ZCWPW2: variants seen among roughly 807,000 people sequenced by gnomAD.
The protein encoded by ZCWPW2 is zinc finger CW-type and PWWP domain containing 2.
A neutral mutation model predicts 46.6 loss-of-function variants in ZCWPW2; 45 were observed. The observed-to-expected ratio is 0.96, with a 90% CI of 0.76 to 1.24. ZCWPW2 has a LOEUF of 1.24. Ranked by LOEUF, ZCWPW2 falls within the 50% of genes most tolerant of loss-of-function variation. ZCWPW2 has a pLI of 0.00. For missense variants in ZCWPW2, 429 were observed against 403.9 expected (o/e 1.06, Z -0.53); for synonymous variants, 152 against 137.1 (o/e 1.11, Z -0.76).
chr3:28,489,686 A>G (rs2125814790), intron 5 of ZCWPW2, among the ~76,000 whole-genome samples: 1 of 151,510 alleles, frequency 6.6e-6, no homozygotes, highest in East Asian at 1.9e-4. Flanking sequence ...ACACACACAC[A>G]CACACACACA....
At chr3:28,521,850 T>C (rs1319500714) in intron 9 of ZCWPW2, among the ~76,000 whole-genome samples, 2 of 152,186 alleles carry the variant, frequency 1.3e-5, no homozygotes, top group Non-Finnish European at 2.9e-5. Context: ...AAGGCTTTAT[T>C]CATTCATTCA....
chr3:28,399,065 T>A (rs1695819005), intron 2 of ZCWPW2, among the ~76,000 whole-genome samples: 1 of 152,152 alleles, frequency 6.6e-6, no homozygotes, highest in Admixed American at 6.5e-5. Flanking sequence ...ATTTGCCCAC[T>A]GCCTGGAAAC....
At chr3:28,483,784 T>C (rs1278438818) in intron 5 of ZCWPW2, among the ~76,000 whole-genome samples, 1 of 152,190 alleles carries the variant, frequency 6.6e-6, no homozygotes, top group East Asian at 1.9e-4. Context: ...ATTCTACTTG[T>C]TTGGTACTAG....
In ZCWPW2 at chr3:28,514,057, G is replaced by A. The variant is rs1334133419; in HGVS notation, c.658-7G>A. The A allele has an allele frequency of 1.3e-6, 2 of 1,499,462 alleles. No homozygotes were observed. The highest frequency in any genetic ancestry group is 1.8e-6 in the Non-Finnish European group (2 of 1,098,636). 92.9% of individuals were successfully genotyped at this position (1,499,462 alleles called of 1,614,324 possible). Reference sequence around the variant, plus strand: ...AACTAACTCATATTTTTGTTTTTGTGTTATAGAAGCAGACTTCTAAAAATA... The same window carrying A: ...AACTAACTCATATTTTTGTTTTTGTATTATAGAAGCAGACTTCTAAAAATA... On this transcript the variant is annotated splice_polypyrimidine_tract_variant and splice_region_variant and intron_variant, in intron 6 of 9. Coordinates refer to ENST00000383768, the MANE Select transcript of ZCWPW2 (RefSeq NM_001040432.4).
chr3:28,409,127 T>C (rs950542920), intron 2 of ZCWPW2, among the ~76,000 whole-genome samples: 9 of 140,920 alleles, frequency 6.4e-5, no homozygotes, highest in Admixed American at 1.4e-4. Context: ...TTTTTCTTTT[T>C]TTTTTTTTTT....
chr3:28,474,243 A>G (rs34539152), intron 4 of ZCWPW2, among the ~76,000 whole-genome samples: 33,509 of 152,100 alleles, frequency 0.22, 3,982 homozygotes, highest in Admixed American at 0.28. Flanking sequence ...GTGTGGGGAA[A>G]TATATTAAAT....
rs762991055 is a variant in ZCWPW2 at position 28,517,224 on chromosome 3, A to AT, written c.784+1603_784+1604insT. Among the ~76,000 whole-genome samples, 707 of 152,286 alleles carry AT rather than the reference A, an allele frequency of 4.6e-3. 9 individuals carry two copies. Among genetic ancestry groups the AT allele is most frequent in the African/African-American group, 0.016 (648 of 41,560 alleles). On this transcript the variant is annotated intron_variant, in intron 8 of 9. Transcript: ENST00000383768. ...TTTTTTCAGTGCCAGCTTTGGGGTA[A>AT]CCCAACCAGTAGCTACTATATAAGG...
rs985339046 is a variant in ZCWPW2, at chr3:28,435,401, A to C, written c.492+132A>C. 11 of 754,256 alleles carry C rather than the reference A, an allele frequency of 1.5e-5. No homozygotes were observed. The Admixed American group carries it at 1.6e-4, about 11-fold the overall frequency. The allele number at this position is 754,256 out of a possible 1,614,324, so 46.7% of individuals were successfully genotyped here. A position where few individuals can be genotyped will look rare whatever the true frequency, so the allele number is the denominator to read the frequency against. On this transcript the variant is annotated intron_variant, in intron 4 of 9. Transcript: ENST00000383768. ...AATGTATGCTGTTTATTTAATTCAA[A>C]TATTTGTATTTTTAGTGTTTTTCTC...
At chr3:28,358,158 G>A (rs751295421) in intron 1 of ZCWPW2, among the ~76,000 whole-genome samples, 67 of 151,774 alleles carry the variant, frequency 4.4e-4, no homozygotes, top group African/African-American at 8.7e-4. Flanking sequence ...AATAGTTTTC[G>A]TTTAAAAATT....
At chr3:28,432,300 A>G (rs566370170) in intron 3 of ZCWPW2, among the ~76,000 whole-genome samples, 17 of 152,288 alleles carry the variant, frequency 1.1e-4, no homozygotes, top group African/African-American at 3.6e-4. Context: ...AGATCACTGA[A>G]CTATAACATG....
At chr3:28,357,952 A>T in intron 1 of ZCWPW2, among the ~76,000 whole-genome samples, 1 of 151,648 alleles carries the variant, frequency 6.6e-6, no homozygotes, top group African/African-American at 2.4e-5. Context: ...TTGCCTATGA[A>T]TCAGTACTCA....
intron 4 of ZCWPW2, among the ~76,000 whole-genome samples, chr3:28,462,924 G>A (rs1366916050): frequency 1.3e-5 from 2 of 152,160 alleles, no homozygotes; most frequent in Non-Finnish European, 2.9e-5. Context: ...GAAAAATGAG[G>A]TTAAGGCTTT....
chr3:28,515,179 A>G (rs1329314214), intron 7 of ZCWPW2, among the ~76,000 whole-genome samples: 2 of 152,122 alleles, frequency 1.3e-5, no homozygotes, highest in Non-Finnish European at 2.9e-5. Context: ...AGTCTGAGAG[A>G]GTTTAGTTCT....
At chr3:28,424,268 CAG>C (rs1491017237) in intron 3 of ZCWPW2, among the ~76,000 whole-genome samples, 71 of 149,344 alleles carry the variant, frequency 4.8e-4, no homozygotes, top group East Asian at 1.4e-3. Flanking sequence ...CACACACACA[CAG>C]AGCCTTTAAA....
chr3:28,444,716 G>C (rs1335324355), intron 4 of ZCWPW2, among the ~76,000 whole-genome samples: 2 of 152,154 alleles, frequency 1.3e-5, no homozygotes, highest in Admixed American at 1.3e-4. Context: ...TAGCAGATTT[G>C]AGGCTCAGTA....
At chr3:28,429,563 G>A (rs948816003) in intron 3 of ZCWPW2, among the ~76,000 whole-genome samples, 4 of 152,212 alleles carry the variant, frequency 2.6e-5, no homozygotes, top group African/African-American at 9.6e-5. Flanking sequence ...ATTCAAGCCA[G>A]CTGCAGAAAT....
chr3:28,359,948 T>C (rs1704879020), intron 1 of ZCWPW2, among the ~76,000 whole-genome samples: 1 of 152,146 alleles, frequency 6.6e-6, no homozygotes, highest in Non-Finnish European at 1.5e-5. Context: ...TAGAAATCAT[T>C]GAAATTTATT....
chr3:28,351,476 C>G (rs1365435180), intron 1 of ZCWPW2: 1 of 151,442 alleles, frequency 6.6e-6, no homozygotes, highest in South Asian at 2.1e-4. Context: ...GTAGCTTAGC[C>G]TTTTTACTTA....
chr3:28,413,487 T>TAG, intron 3 of ZCWPW2, 87 bp downstream of exon 3: 1 of 1,145,012 alleles, frequency 8.7e-7, no homozygotes, highest in Non-Finnish European at 1.2e-6. Flanking sequence ...CTAAACATTT[T>TAG]TCTTTTGTCT....
Sources: allele counts gnomAD v4.1 joint callset (sites outside exome capture counted in the v4.1 genomes callset), GRCh38; gene constraint gnomAD v4.1.1; transcripts MANE v1.5; gene names NCBI Gene and HGNC (gene_info 2026-07-23, HGNC 2026-07-21).